Variants in OSBPL9 observed in about 807,000 individuals in gnomAD.
OSBPL9 encodes oxysterol binding protein like 9.
In OSBPL9, 40 loss-of-function variants were observed where a neutral mutation model predicts 106.6. The ratio of observed to expected loss-of-function variants is 0.38; its 90% CI spans 0.29 to 0.49. The LOEUF (loss-of-function observed/expected upper bound fraction) is 0.49. Among genes scored for constraint, OSBPL9 ranks in the 20% least tolerant of loss-of-function variants. The pLI, the probability that OSBPL9 is intolerant of heterozygous loss-of-function variation, is 0.97. For missense variants in OSBPL9, 609 were observed against 887.2 expected, an observed-to-expected ratio of 0.69 and a Z score of 3.98; for synonymous variants, 269 against 295.4, an observed-to-expected ratio of 0.91 and a Z score of 0.92.
intron 1 of OSBPL9, among the ~76,000 whole-genome samples, chr1:51,623,096 A>G (rs1221483434): frequency 6.6e-6 from 1 of 152,220 alleles, no homozygotes; most frequent in Non-Finnish European, 1.5e-5. Context: ...GATCTAAAGC[A>G]TATCCATTGG....
At chr1:51,530,170 C>CAAAAAAAAAAAAAAAAAAAAAAAAAA in the OSBPL9 span, among the ~76,000 whole-genome samples, 5 of 11,032 alleles carry the variant, frequency 4.5e-4, no homozygotes, top group Non-Finnish European at 6.6e-4. Flanking sequence ...GACTCTGTCT[C>CAAAAAAAAAAAAAAAAAAAAAAAAAA]AAAAAAAAAA....
chr1:51,746,919 G>A (rs905776805), intron 6 of OSBPL9, among the ~76,000 whole-genome samples, 162 bp downstream of exon 6: 1 of 152,084 alleles, frequency 6.6e-6, no homozygotes, highest in African/African-American at 2.4e-5. Context: ...ATAAATTTCT[G>A]TTATGGTTTC....
intron 3 of OSBPL9, among the ~76,000 whole-genome samples, chr1:51,683,271 C>G (rs1418103487): frequency 6.6e-6 from 1 of 152,034 alleles, no homozygotes; most frequent in African/African-American, 2.4e-5. Flanking sequence ...ACCTCCATCT[C>G]CCGAGTTCAA....
At chr1:51,526,248 CA>C in the OSBPL9 span, among the ~76,000 whole-genome samples, 2 of 152,186 alleles carry the variant, frequency 1.3e-5, no homozygotes, top group African/African-American at 2.4e-5. Flanking sequence ...GACTTCTCAT[CA>C]AGCACCTGAA....
At chr1:51,757,303 T>G (rs1047996021) in intron 9 of OSBPL9, among the ~76,000 whole-genome samples, 13 of 152,078 alleles carry the variant, frequency 8.5e-5, no homozygotes, top group African/African-American at 2.9e-4. Context: ...TTTTTGTCAG[T>G]TCAAAGTATG....
intron 4 of OSBPL9, among the ~76,000 whole-genome samples, chr1:51,735,544 G>A (rs929971795): frequency 1.3e-5 from 2 of 152,048 alleles, no homozygotes; most frequent in Non-Finnish European, 2.9e-5. Context: ...GAATTTCTTC[G>A]TGCTTTTCTG....
intron 11 of OSBPL9, among the ~76,000 whole-genome samples, chr1:51,762,611 A>G (rs1671759709): frequency 6.6e-6 from 1 of 152,260 alleles, no homozygotes; most frequent in Non-Finnish European, 1.5e-5. Flanking sequence ...AGTGCACAGA[A>G]TAAAAACTGC....
At chr1:51,567,099 C>T in the OSBPL9 span, 1 of 152,214 alleles carries the variant, frequency 6.6e-6, no homozygotes, top group South Asian at 2.1e-4. Flanking sequence ...ATTCAATTCT[C>T]CCTAAAATTG....
the OSBPL9 span, among the ~76,000 whole-genome samples, chr1:51,555,335 CA>C: frequency 6.6e-6 from 1 of 151,670 alleles, no homozygotes; most frequent in African/African-American, 2.4e-5. Context: ...ACTAAAAATA[CA>C]AAAATTAGCT....
chr1:51,692,202 A>C (rs1219337287), intron 3 of OSBPL9, among the ~76,000 whole-genome samples: 24 of 152,140 alleles, frequency 1.6e-4, no homozygotes, highest in Admixed American at 1.6e-3. Flanking sequence ...CTCAGCTACT[A>C]AGAAGGCTGA....
At chr1:51,705,766 T>G (rs1045440438) in intron 3 of OSBPL9, among the ~76,000 whole-genome samples, 1 of 152,176 alleles carries the variant, frequency 6.6e-6, no homozygotes, top group Non-Finnish European at 1.5e-5. Context: ...TTGTTCCATA[T>G]ATATTTTTGT....
intron 4 of OSBPL9, among the ~76,000 whole-genome samples, chr1:51,720,073 T>C (rs757923912): frequency 2.0e-5 from 3 of 152,220 alleles, no homozygotes; most frequent in Non-Finnish European, 4.4e-5. Flanking sequence ...GCCATTTACT[T>C]GGTCAGTGTC....
chr1:51,734,005 A>G (rs965714855), intron 4 of OSBPL9, among the ~76,000 whole-genome samples: 3 of 152,212 alleles, frequency 2.0e-5, no homozygotes, highest in Non-Finnish European at 2.9e-5. Context: ...GTAATGCTTA[A>G]TTATATTTGC....
chr1:51,727,338 A>G (rs576206853), intron 4 of OSBPL9, among the ~76,000 whole-genome samples: 1 of 152,264 alleles, frequency 6.6e-6, no homozygotes, highest in South Asian at 2.1e-4. Flanking sequence ...GTTTATTGTT[A>G]TTTATCAGAG....
At chr1:51,670,172 C>T (rs1307714887) in intron 3 of OSBPL9, among the ~76,000 whole-genome samples, 1 of 152,186 alleles carries the variant, frequency 6.6e-6, no homozygotes, top group Non-Finnish European at 1.5e-5. Context: ...AAACTCTAAA[C>T]CAGCAAATAA....
intron 2 of OSBPL9, among the ~76,000 whole-genome samples, chr1:51,610,123 T>C (rs921372448): frequency 6.6e-6 from 1 of 152,234 alleles, no homozygotes; most frequent in African/African-American, 2.4e-5. Flanking sequence ...CGCTGTGAGA[T>C]AATTGCTACC....
intron 21 of OSBPL9, chr1:51,786,148 A>C: frequency 2.1e-6 from 1 of 486,014 alleles, no homozygotes. Context: ...AGAATAATAT[A>C]TGTAAAACAA....
chr1:51,617,196 A>G lies in OSBPL9; in HGVS notation c.86A>G (p.Asn29Ser). 1 of 1,613,402 alleles carries G rather than the reference A, an allele frequency of 6.2e-7. No homozygotes were observed. The highest frequency in any genetic ancestry group is 8.5e-7 in the Non-Finnish European group (1 of 1,179,790). The change falls in exon 1 of 24, where the codon AAT (asparagine) becomes AGT (serine). Residue 29 changes from asparagine (N) to serine (S), a missense_variant. Transcript: ENST00000428468. ...TACCGTTGGTTCGTGCTGGACTACA[A>G]TGCAGGACTGCTCTCCTACTACACG... ...WQYRWFVLDY[N>S]AGLLSYYTSK...
the OSBPL9 span, chr1:51,519,282 C>T: frequency 1.2e-4 from 56 of 463,422 alleles, no homozygotes; most frequent in South Asian, 1.5e-3. Flanking sequence ...GACTGGGGCT[C>T]GGGGCGGGGA....
Sources: allele counts gnomAD v4.1 joint callset (sites outside exome capture counted in the v4.1 genomes callset), GRCh38; gene constraint gnomAD v4.1.1; transcripts MANE v1.5; gene names NCBI Gene and HGNC (gene_info 2026-07-23, HGNC 2026-07-21).